GPHN: variants seen among roughly 807,000 people sequenced by gnomAD.
The protein encoded by GPHN is gephyrin.
Under a neutral mutation model 95.5 loss-of-function variants are expected in GPHN, and 17 were observed. The ratio of observed to expected loss-of-function variants is 0.18; its 90% confidence interval spans 0.12 to 0.27. GPHN has a LOEUF of 0.27. Ranked by LOEUF, GPHN falls within the 10% of genes least tolerant of loss-of-function variation. The pLI, the probability that GPHN is intolerant of heterozygous loss-of-function variation, is 1.00. For missense variants in GPHN, 660 were observed against 978.1 expected (o/e 0.67, Z 4.34); for synonymous variants, 320 against 322.5 (o/e 0.99, Z 0.08).
chr14:67,143,271 A>G (rs1456505887), intron 17 of GPHN, 91 bp from the exon 18 acceptor site: 5 of 806,476 alleles, frequency 6.2e-6, no homozygotes, highest in African/African-American at 1.7e-5. Flanking sequence ...GTTAATGCCT[A>G]TTAGTGAATA....
At chr14:67,716,037 T>C in the GPHN span, among the ~76,000 whole-genome samples, 1 of 151,546 alleles carries the variant, frequency 6.6e-6, no homozygotes, top group African/African-American at 2.4e-5. Context: ...CTACTAAAAA[T>C]ACAAAAAAAA....
At chr14:67,312,779 A>C in the GPHN span, 7 of 1,221,154 alleles carry the variant, frequency 5.7e-6, no homozygotes, top group African/African-American at 1.1e-4. Flanking sequence ...TTCACAAAGA[A>C]AAACTCACTC....
At chr14:66,562,280 T>C (rs1679039397) in intron 1 of GPHN, among the ~76,000 whole-genome samples, 1 of 152,210 alleles carries the variant, frequency 6.6e-6, no homozygotes, top group South Asian at 2.1e-4. Context: ...GTGATGACTC[T>C]AGTATTGTAT....
At chr14:66,936,188 A>G (rs2067125135) in intron 8 of GPHN, among the ~76,000 whole-genome samples, 1 of 152,068 alleles carries the variant, frequency 6.6e-6, no homozygotes, top group Non-Finnish European at 1.5e-5. Flanking sequence ...AGTCCAGCCT[A>G]GCCAACATAG....
chr14:67,002,041 A>G (rs2072266537), intron 9 of GPHN, among the ~76,000 whole-genome samples: 1 of 151,540 alleles, frequency 6.6e-6, no homozygotes, highest in South Asian at 2.1e-4. Flanking sequence ...TTCCTTCCCA[A>G]CCAGTGTTCT....
Position 66,748,221 on chromosome 14 carries a change from T to C in GPHN, c.144-28243T>C, listed in dbSNP as rs886368095. ...ACTTGAGAATGCAAAAAAAATACTT[T>C]TACTATAGTACTTATTAATAAACTC... On this transcript the variant is annotated intron_variant, in intron 2 of 22. Transcript: ENST00000478722. Among the ~76,000 whole-genome samples, 64 of 152,114 alleles carry C rather than the reference T, an allele frequency of 4.2e-4. 1 individual carries two copies. The highest frequency in any genetic ancestry group is 3.8e-4 in the Non-Finnish European group (26 of 67,960).
the GPHN span, among the ~76,000 whole-genome samples, chr14:67,321,849 A>G: frequency 6.6e-6 from 1 of 152,218 alleles, no homozygotes; most frequent in African/African-American, 2.4e-5. Context: ...AATACAGTAA[A>G]TATAGTATTG....
At chr14:67,376,629 C>T in the GPHN span, 9 of 1,595,754 alleles carry the variant, frequency 5.6e-6, no homozygotes, top group Non-Finnish European at 6.8e-6. Context: ...ACCTTGATAT[C>T]ACAACTCTTG....
At chr14:67,182,761 G>T (rs1251225166), downstream of GPHN, among the ~76,000 whole-genome samples, 1 of 151,146 alleles carries the variant, frequency 6.6e-6, no homozygotes, top group Non-Finnish European at 1.5e-5. Context: ...TATAGAATGT[G>T]ATAAATGCCA....
chr14:67,193,366 TATCTATATATCTAG>T, the GPHN span, among the ~76,000 whole-genome samples: 1 of 139,126 alleles, frequency 7.2e-6, no homozygotes, highest in Non-Finnish European at 1.6e-5. Context: ...ATATATAATC[TATCTATATATCTAG>T]ATATATCTAG....
the GPHN span, among the ~76,000 whole-genome samples, chr14:67,545,498 A>C: frequency 6.6e-6 from 1 of 152,242 alleles, no homozygotes; most frequent in African/African-American, 2.4e-5. Flanking sequence ...AAAAAAGGAA[A>C]GTCTATTAAA....
At chr14:66,596,307 C>T (rs1463455523) in intron 1 of GPHN, among the ~76,000 whole-genome samples, 1 of 152,102 alleles carries the variant, frequency 6.6e-6, no homozygotes, top group Non-Finnish European at 1.5e-5. Context: ...ACTGGCAGTC[C>T]AGTCCCCAAA....
chr14:67,333,262 G>C, the GPHN span: 61 of 210,486 alleles, frequency 2.9e-4, no homozygotes, highest in African/African-American at 1.3e-3. Flanking sequence ...AACCCTTTCT[G>C]CTTAGTTGTA....
intron 21 of GPHN, among the ~76,000 whole-genome samples, chr14:67,176,471 C>T (rs771387530): frequency 2.3e-4 from 35 of 152,280 alleles, no homozygotes; most frequent in African/African-American, 7.0e-4. Context: ...CTGCTGGATT[C>T]GGCTTGCCAG....
Position 67,099,090 on chromosome 14 carries a change from G to A in GPHN, c.1238-1766G>A, listed in dbSNP as rs977032192. Among the ~76,000 whole-genome samples, 9 of 151,692 alleles carry A rather than the reference G, an allele frequency of 5.9e-5. No homozygotes were observed. The East Asian group carries it at 1.2e-3, about 20-fold the overall frequency. On this transcript the variant is annotated intron_variant, in intron 12 of 22. Transcript: ENST00000478722. ...TGTTGATAATTGTTGAAGCAATGACGTCTATGTCTGTTGTAAAAACTTTTT... is the reference window on the plus strand; with the variant it reads ...TGTTGATAATTGTTGAAGCAATGACATCTATGTCTGTTGTAAAAACTTTTT...
intron 2 of GPHN, among the ~76,000 whole-genome samples, chr14:66,729,077 A>G (rs1353240567): frequency 1.3e-5 from 2 of 152,162 alleles, no homozygotes; most frequent in South Asian, 2.1e-4. Flanking sequence ...GTTTCCCTGC[A>G]CAGGCTCTCT....
At chr14:67,120,125 C>CA (rs1393148851) in intron 16 of GPHN, among the ~76,000 whole-genome samples, 1,280 of 76,110 alleles carry the variant, frequency 0.017, 7 homozygotes, top group African/African-American at 0.046. Context: ...GACTCCATCT[C>CA]AAAAAAAAAA....
At chr14:66,829,888 T>G (rs147758854) in intron 4 of GPHN, among the ~76,000 whole-genome samples, 57 of 151,924 alleles carry the variant, frequency 3.8e-4, no homozygotes, top group African/African-American at 1.4e-3. Context: ...GCCTGTCACC[T>G]TTTTTTTGCA....
At chr14:66,920,315 GA>G (rs1167141314) in intron 6 of GPHN, among the ~76,000 whole-genome samples, 1 of 152,048 alleles carries the variant, frequency 6.6e-6, no homozygotes, top group Non-Finnish European at 1.5e-5. Flanking sequence ...GGATGGAAAA[GA>G]GGGTAGTATA....
Sources: allele counts gnomAD v4.1 joint callset (sites outside exome capture counted in the v4.1 genomes callset), GRCh38; gene constraint gnomAD v4.1.1; transcripts MANE v1.5; gene names NCBI Gene and HGNC (gene_info 2026-07-23, HGNC 2026-07-21).